ANKRD18B: variants seen among roughly 807,000 people sequenced by gnomAD.
ANKRD18B encodes the protein ankyrin repeat domain-containing protein 18B.
ANKRD18B carries 75 observed loss-of-function variants against 111.8 expected under a neutral mutation model. The ratio of observed to expected loss-of-function variants is 0.67; its 90% CI spans 0.56 to 0.81. The LOEUF (loss-of-function observed/expected upper bound fraction) is 0.81, where lower values mean the gene tolerates loss of function less well. Ranked by LOEUF, ANKRD18B falls within the 40% of genes least tolerant of loss-of-function variation. ANKRD18B has a pLI of 0.00. For synonymous variants in ANKRD18B, 356 were observed against 417.3 expected, an observed-to-expected ratio of 0.85 and a Z score of 1.79; for missense variants, 1,038 against 1,225.5, an observed-to-expected ratio of 0.85 and a Z score of 2.28.
intron 1 of ANKRD18B, among the ~76,000 whole-genome samples, chr9:33,528,135 CA>C (rs989977142): frequency 1.3e-5 from 2 of 151,942 alleles, no homozygotes; most frequent in Non-Finnish European, 2.9e-5. Context: ...TCCTACTCTA[CA>C]AAAAAAATTT....
intron 9 of ANKRD18B, among the ~76,000 whole-genome samples, chr9:33,542,066 C>T (rs887935462): frequency 1.6e-4 from 25 of 151,838 alleles, no homozygotes; most frequent in African/African-American, 6.0e-4. Flanking sequence ...AGTCTCAGCT[C>T]AGGCATGATC....
At chr9:33,558,453 G>GT (rs912790739) in intron 14 of ANKRD18B, among the ~76,000 whole-genome samples, 47 of 152,076 alleles carry the variant, frequency 3.1e-4, no homozygotes, top group Non-Finnish European at 2.5e-4. Flanking sequence ...GCAGTGTTTG[G>GT]TTTTTTGTTC....
At chr9:33,538,684 C>T (rs530073112) in intron 6 of ANKRD18B, among the ~76,000 whole-genome samples, 1 of 151,520 alleles carries the variant, frequency 6.6e-6, no homozygotes, top group African/African-American at 2.4e-5. Flanking sequence ...TGCAGTGAAC[C>T]GGAATGCACC....
intron 14 of ANKRD18B, among the ~76,000 whole-genome samples, chr9:33,563,484 A>C (rs536908101): frequency 3.3e-5 from 5 of 151,646 alleles, no homozygotes; most frequent in African/African-American, 1.2e-4. Context: ...GTCTTTGTGG[A>C]CTGATCTCTC....
At chr9:33,525,697 G>GA (rs1828016172) in intron 1 of ANKRD18B, among the ~76,000 whole-genome samples, 1 of 150,936 alleles carries the variant, frequency 6.6e-6, no homozygotes, top group Non-Finnish European at 1.5e-5. Context: ...CTGTGTATCA[G>GA]AAAAAAATTA....
chr9:33,541,040 G>T (rs1262567997), intron 8 of ANKRD18B, 107 bp from the exon 9 acceptor site: 1 of 1,366,030 alleles, frequency 7.3e-7, no homozygotes, highest in African/African-American at 1.5e-5. Context: ...CTTCTAATGG[G>T]TAGGATTTAG....
chr9:33,566,671 C>T (rs1828690339), intron 15 of ANKRD18B, among the ~76,000 whole-genome samples, 171 bp downstream of exon 15: 1 of 151,870 alleles, frequency 6.6e-6, no homozygotes, highest in African/African-American at 2.4e-5. Context: ...TTTAAATTTC[C>T]ATTATTATTA....
intron 3 of ANKRD18B, among the ~76,000 whole-genome samples, chr9:33,529,522 A>G (rs1828080685): frequency 6.6e-6 from 1 of 152,244 alleles, no homozygotes; most frequent in African/African-American, 2.4e-5. Context: ...AACTAAAGCA[A>G]CTTACAATAA....
chr9:33,529,173 G>A lies in ANKRD18B; in HGVS notation c.495G>A (p.Lys165=). The A allele has an allele frequency of 6.3e-7, 1 of 1,594,160 alleles. No homozygotes were observed. The highest frequency in any genetic ancestry group is 8.5e-7 in the Non-Finnish European group (1 of 1,173,918). Reference sequence around the variant, plus strand: ...ATGCAAATATTGAAGCACTAAACAAGGTACAGATCAATCAACTTTCTTTTC... The same window carrying A: ...ATGCAAATATTGAAGCACTAAACAAAGTACAGATCAATCAACTTTCTTTTC... ...SHHANIEALN[K]EGNTPLLFAI... Residue 165 remains lysine, a splice_region_variant and synonymous_variant, in exon 3 of 19, where the codon AAG becomes AAA. Transcript: ENST00000684830.
chr9:33,567,390 T>C, intron 16 of ANKRD18B, 76 bp downstream of exon 16: 1 of 1,313,048 alleles, frequency 7.6e-7, no homozygotes, highest in Non-Finnish European at 1.0e-6. Flanking sequence ...TTTAGTGAGA[T>C]GGCTTCAGGA....
At chr9:33,528,702 C>T (rs1281284446) in intron 1 of ANKRD18B, 25 bp from the exon 2 acceptor site, 1 of 1,549,884 alleles carries the variant, frequency 6.5e-7, no homozygotes, top group Admixed American at 2.0e-5. Flanking sequence ...ACTACATTTC[C>T]TGAAAACCCC....
At chr9:33,571,521 C>T (rs1027358424) in intron 18 of ANKRD18B, 79 of 162,764 alleles carry the variant, frequency 4.9e-4, no homozygotes, top group Non-Finnish European at 1.3e-4. Context: ...AGAAGTGGAT[C>T]CATCTCTTTT....
chr9:33,541,953 A>G (rs1382209324), intron 9 of ANKRD18B, among the ~76,000 whole-genome samples: 1 of 152,104 alleles, frequency 6.6e-6, no homozygotes, highest in Non-Finnish European at 1.5e-5. Flanking sequence ...ATGTAGACAA[A>G]AACATACGCT....
At chr9:33,570,456 G>GAA (rs71506123) in intron 17 of ANKRD18B, among the ~76,000 whole-genome samples, 31,686 of 145,128 alleles carry the variant, frequency 0.22, 4,466 homozygotes, top group African/African-American at 0.41. Context: ...ATACAAACTA[G>GAA]AAAAAAAAAA....
chr9:33,561,231 C>G (rs572625683), intron 14 of ANKRD18B, among the ~76,000 whole-genome samples: 10 of 152,126 alleles, frequency 6.6e-5, no homozygotes, highest in Non-Finnish European at 1.3e-4. Flanking sequence ...AAGATTTGGT[C>G]CTGTGGTGTG....
rs367608062 is a variant in ANKRD18B, at chr9:33,528,287, C to A, written c.207-440C>A. ...TTGCACTCCAGCCTGGGCAAGAGAGCAAGACCCTGTCTCAACAAACAAAAG... is the reference window on the plus strand; with the variant it reads ...TTGCACTCCAGCCTGGGCAAGAGAGAAAGACCCTGTCTCAACAAACAAAAG... On this transcript the variant is annotated intron_variant, in intron 1 of 18. Coordinates refer to ENST00000684830, the MANE Select transcript of ANKRD18B (RefSeq NM_001393611.1). 5.3e-5 allele frequency among the ~76,000 whole-genome samples: 8 copies of A among 152,226 alleles called. 1 individual carries two copies. In the East Asian group the frequency reaches 7.7e-4, roughly 15 times the overall value.
At position 33,535,813 on chromosome 9, in the gene ANKRD18B, C is replaced by CTATA. The variant is rs1374122588; in HGVS notation, c.741-1061_741-1058dup. The stretch of plus-strand genomic sequence containing the variant: ...ATATAATTATTATAGATTATATAAT[C>CTATA]TATATATTATATATAGATTATATAA... On this transcript the variant is annotated intron_variant, in intron 5 of 18. Coordinates refer to ENST00000684830, the MANE Select transcript of ANKRD18B (RefSeq NM_001393611.1). 7.1e-5 allele frequency among the ~76,000 whole-genome samples: 10 copies of CTATA among 140,490 alleles called. 1 individual carries two copies. Among genetic ancestry groups the CTATA allele is most frequent in the African/African-American group, 2.6e-4 (10 of 38,640 alleles). The allele number at this position is 140,490 out of a possible 152,430, so 92.2% of individuals were successfully genotyped here.
In ANKRD18B at chr9:33,534,509, T is replaced by C; in HGVS notation, c.740+2T>C. ...TGCTTTTTGTTGTGATTTGAGAAGG[T>C]ATGTGCTTATATTAAAAGACCGGTT... On this transcript the variant is annotated splice_donor_variant, in intron 5 of 18. Transcript: ENST00000684830. LOFTEE classifies it high-confidence loss of function. 6.6e-7 allele frequency: 1 copy of C among 1,525,826 alleles called. No individual in the cohort carries two copies. Among genetic ancestry groups the C allele is most frequent in the Non-Finnish European group, 8.8e-7 (1 of 1,139,506 alleles). The allele number at this position is 1,525,826 out of a possible 1,614,324, so 94.5% of individuals were successfully genotyped here. A position where few individuals can be genotyped will look rare whatever the true frequency, so the allele number is the denominator to read the frequency against.
intron 16 of ANKRD18B, among the ~76,000 whole-genome samples, chr9:33,567,915 A>G (rs1031492115): frequency 6.6e-6 from 1 of 152,240 alleles, no homozygotes; most frequent in Admixed American, 6.5e-5. Context: ...AGGTGGTTCA[A>G]AAATAACACC....
Sources: allele counts gnomAD v4.1 joint callset (sites outside exome capture counted in the v4.1 genomes callset), GRCh38; gene constraint gnomAD v4.1.1; transcripts MANE v1.5; gene names NCBI Gene and HGNC (gene_info 2026-07-23, HGNC 2026-07-21).